Variants in EFCAB8 observed in about 807,000 individuals in gnomAD.
EFCAB8 encodes EF-hand calcium binding domain 8, also known as EF-hand calcium-binding domain-containing protein 8.
In EFCAB8, 100 loss-of-function variants were observed where a neutral mutation model predicts 116.3. The ratio of observed to expected loss-of-function variants is 0.86; its 90% CI spans 0.73 to 1.02. EFCAB8 has a LOEUF of 1.02. EFCAB8 is among the 50% of genes least tolerant of loss of function. The pLI, the probability that EFCAB8 is intolerant of heterozygous loss-of-function variation, is 0.00. For missense variants in EFCAB8, 1,320 were observed against 1,416.9 expected, an observed-to-expected ratio of 0.93 and a Z score of 1.10; for synonymous variants, 558 against 567.9, an observed-to-expected ratio of 0.98 and a Z score of 0.25.
intron 15 of EFCAB8, among the ~76,000 whole-genome samples, chr20:32,910,830 C>CG (rs1332507520): frequency 1.4e-5 from 2 of 146,372 alleles, no homozygotes; most frequent in East Asian, 3.9e-4. Context: ...CTCTGCCTTC[C>CG]GGGTTCAAGC....
rs1984253253 is a variant in EFCAB8, at chr20:32,863,842, A to G, written c.42+8A>G. 3 of 1,551,454 alleles carry G rather than the reference A, an allele frequency of 1.9e-6. No individual in the cohort carries two copies. Among genetic ancestry groups the G allele is most frequent in the Non-Finnish European group, 2.6e-6 (3 of 1,146,836 alleles). On this transcript the variant is annotated splice_region_variant and intron_variant, in intron 2 of 26. Transcript: ENST00000400522. The stretch of plus-strand genomic sequence containing the variant: ...ATCCCTCAACTCCAAAAGGTAAGAA[A>G]GACAATTATCTGAACTAATAAAGGG...
chr20:32,944,620 G>T lies in EFCAB8; in HGVS notation c.2959+816G>T, dbSNP rs1017222599. Among the ~76,000 whole-genome samples the T allele has an allele frequency of 3.9e-5, 6 of 152,110 alleles. No individual in the cohort carries two copies. In the East Asian group the frequency reaches 1.2e-3, roughly 29 times the overall value. On this transcript the variant is annotated intron_variant, in intron 23 of 26. Transcript: ENST00000400522. ...AGCATCCTTTTGTTTCAACTTGAAG[G>T]GGTCCCTTTAGCATTTCTTTAAAGG...
chr20:32,953,480 C>T (rs1217911110), intron 23 of EFCAB8, among the ~76,000 whole-genome samples: 2 of 152,188 alleles, frequency 1.3e-5, no homozygotes, highest in Non-Finnish European at 2.9e-5. Flanking sequence ...TGCAACCTTG[C>T]CAGCACTTGT....
rs1443434389 is a variant in EFCAB8 at position 32,874,135 on chromosome 20, G to A, written c.209-1791G>A. ...GCGGTTTCACCATGTTGCCCAGCCTGGTCTCAAACTCCTGGGCTCAAGCCT... is the reference window on the plus strand; with the variant it reads ...GCGGTTTCACCATGTTGCCCAGCCTAGTCTCAAACTCCTGGGCTCAAGCCT... On this transcript the variant is annotated intron_variant, in intron 3 of 26. Transcript: ENST00000400522. 2.1e-3 allele frequency among the ~76,000 whole-genome samples: 324 copies of A among 151,788 alleles called. 2 individuals carry two copies. Among genetic ancestry groups the A allele is most frequent in the African/African-American group, 7.5e-3 (310 of 41,156 alleles).
At position 32,930,346 on chromosome 20, in the gene EFCAB8, A is replaced by G. The variant is rs1987846393; in HGVS notation, c.2413-52A>G. Reference sequence around the variant, plus strand: ...TGACTTGCTGAGGTCCCTCAGCACCATGTGACAGTGGCTCACAGCCCTGCT... The same window carrying G: ...TGACTTGCTGAGGTCCCTCAGCACCGTGTGACAGTGGCTCACAGCCCTGCT... On this transcript the variant is annotated intron_variant, in intron 20 of 26. Transcript: ENST00000400522. 3.4e-6 allele frequency: 5 copies of G among 1,485,656 alleles called. No homozygotes were observed. The East Asian group carries it at 9.9e-5, about 29-fold the overall frequency. 92.0% of individuals were successfully genotyped at this position (1,485,656 alleles called of 1,614,324 possible).
At chr20:32,892,420 C>T in intron 8 of EFCAB8, 123 bp downstream of exon 8, 2 of 801,534 alleles carry the variant, frequency 2.5e-6, no homozygotes, top group South Asian at 1.6e-5. Context: ...AAATATCTCC[C>T]CACTGGCTCC....
At position 32,876,029 on chromosome 20, in the gene EFCAB8, A is replaced by T; in HGVS notation, c.312A>T (p.Glu104Asp). The part of the protein sequence containing the change: ...ELFLKVDSDC[E>D]GFVTWQKYVD... ...TTTTGAAGGTGGACTCGGACTGTGA[A>T]GGCTTTGTCACCTGGGTGAGGAGGG... The change falls in exon 4 of 27, where the codon GAA (glutamate) becomes GAT (aspartate). Residue 104 changes from glutamate (E) to aspartate (D), a missense_variant. Coordinates refer to ENST00000400522, the MANE Select transcript of EFCAB8 (RefSeq NM_001143967.2). 6.4e-7 allele frequency: 1 copy of T among 1,552,072 alleles called. No individual in the cohort carries two copies. Among genetic ancestry groups the T allele is most frequent in the Non-Finnish European group, 8.7e-7 (1 of 1,147,078 alleles).
intron 23 of EFCAB8, among the ~76,000 whole-genome samples, chr20:32,949,644 G>A (rs1988737081): frequency 6.6e-6 from 1 of 152,150 alleles, no homozygotes; most frequent in Non-Finnish European, 1.5e-5. Flanking sequence ...GCAATTCAGT[G>A]GAGAAAAGAC....
chr20:32,875,998 A>T lies in EFCAB8; in HGVS notation c.281A>T (p.Glu94Val). ...LSSVSDEMLKELFLKVDSDCE... is the reference protein window; with the variant it reads ...LSSVSDEMLKVLFLKVDSDCE... ...AGTGTGTCGGACGAGATGCTAAAGG[A>T]GCTGTTTTTGAAGGTGGACTCGGAC... Residue 94 changes from glutamate to valine, a missense_variant, in exon 4 of 27, where the codon GAG (glutamate) becomes GTG (valine). Glu to Val is a moderately radical substitution (Grantham distance 121). Coordinates refer to ENST00000400522, the MANE Select transcript of EFCAB8 (RefSeq NM_001143967.2). The T allele has an allele frequency of 6.4e-7, 1 of 1,552,048 alleles. No homozygotes were observed. Among genetic ancestry groups the T allele is most frequent in the Non-Finnish European group, 8.7e-7 (1 of 1,147,072 alleles).
intron 3 of EFCAB8, among the ~76,000 whole-genome samples, chr20:32,869,639 C>G (rs1445566102): frequency 6.6e-6 from 1 of 152,122 alleles, no homozygotes; most frequent in Non-Finnish European, 1.5e-5. Context: ...AGTCACAGGT[C>G]CCACCACACT....
rs906489258 is a variant in EFCAB8 at position 32,869,239 on chromosome 20, A to T, written c.208+1492A>T. ...AAACTCCAGCAAGATGGGTGTTGCA[A>T]TTTTTTTTTTTTTTTGAGACGGAGT... is the stretch of plus-strand genomic sequence containing the variant. On this transcript the variant is annotated intron_variant, in intron 3 of 26. Coordinates refer to ENST00000400522, the MANE Select transcript of EFCAB8 (RefSeq NM_001143967.2). Among the ~76,000 whole-genome samples the T allele has an allele frequency of 3.5e-5, 5 of 144,422 alleles. No individual in the cohort carries two copies. In the Admixed American group the frequency reaches 3.5e-4, roughly 10 times the overall value. 94.7% of individuals were successfully genotyped at this position (144,422 alleles called of 152,430 possible). A position where few individuals can be genotyped will look rare whatever the true frequency, so the allele number is the denominator to read the frequency against.
At chr20:32,888,569 T>A (rs1031974837) in intron 6 of EFCAB8, among the ~76,000 whole-genome samples, 2 of 152,158 alleles carry the variant, frequency 1.3e-5, no homozygotes, top group African/African-American at 4.8e-5. Flanking sequence ...TTGCCCAGGC[T>A]GGTCTCGAAC....
At chr20:32,918,336 TA>T in intron 18 of EFCAB8, 25 bp from the exon 19 acceptor site, 1 of 1,550,904 alleles carries the variant, frequency 6.4e-7, no homozygotes, top group Non-Finnish European at 8.7e-7. Flanking sequence ...TGCAGTGCCT[TA>T]GGGGCTGCTT....
intron 20 of EFCAB8, among the ~76,000 whole-genome samples, chr20:32,921,392 T>TGTGTGTG (rs57469624): frequency 6.7e-6 from 1 of 149,610 alleles, no homozygotes; most frequent in Admixed American, 6.6e-5. Flanking sequence ...TGTGTGTGTG[T>TGTGTGTG]TTTTGTAGAG....
intron 14 of EFCAB8, among the ~76,000 whole-genome samples, chr20:32,908,985 G>A (rs1233718997): frequency 7.9e-5 from 12 of 152,206 alleles, no homozygotes; most frequent in Admixed American, 7.9e-4. Flanking sequence ...GGCTTCCTGT[G>A]GAGGATGGGG....
chr20:32,870,859 CTT>C (rs35534837), intron 3 of EFCAB8, among the ~76,000 whole-genome samples: 60,150 of 146,006 alleles, frequency 0.41, 14,421 homozygotes, highest in Non-Finnish European at 0.55. Context: ...ACTTCTTCTT[CTT>C]TTTTTTTTTT....
At position 32,906,478 on chromosome 20, in the gene EFCAB8, T is replaced by C. The variant is rs1986677500; in HGVS notation, c.1089-84T>C. 4 of 709,648 alleles carry C rather than the reference T, an allele frequency of 5.6e-6. No homozygotes were observed. In the South Asian group the frequency reaches 6.0e-5, roughly 11 times the overall value. 44.0% of individuals were successfully genotyped at this position (709,648 alleles called of 1,614,324 possible). A position where few individuals can be genotyped will look rare whatever the true frequency, so the allele number is the denominator to read the frequency against. ...CCTCCTGGGAGGCTCTGCCTCTAGC[T>C]CCTCCCACCCCAGGCTCAGTCTCAG... On this transcript the variant is annotated intron_variant, in intron 11 of 26. Coordinates refer to ENST00000400522, the MANE Select transcript of EFCAB8 (RefSeq NM_001143967.2).
intron 2 of EFCAB8, among the ~76,000 whole-genome samples, chr20:32,865,638 A>G (rs1478277036): frequency 6.6e-6 from 1 of 151,860 alleles, no homozygotes; most frequent in East Asian, 1.9e-4. Flanking sequence ...TCTCTACTAA[A>G]AATACAAAAA....
chr20:32,958,308 G>A, intron 23 of EFCAB8, 113 bp from the exon 24 acceptor site: 1 of 404,820 alleles, frequency 2.5e-6, no homozygotes, highest in East Asian at 3.6e-5. Flanking sequence ...AGTGAGTGTG[G>A]GGGCTGAGGA....
Sources: allele counts gnomAD v4.1 joint callset (sites outside exome capture counted in the v4.1 genomes callset), GRCh38; gene constraint gnomAD v4.1.1; transcripts MANE v1.5; gene names NCBI Gene and HGNC (gene_info 2026-07-23, HGNC 2026-07-21).